The following MYBBP1A variants were observed in gnomAD, a reference collection of about 807,000 sequenced individuals.
MYBBP1A encodes myb-binding protein 1A.
A neutral mutation model predicts 136.3 loss-of-function variants in MYBBP1A; 147 were observed. That is an observed-to-expected ratio of 1.08 (90% CI 0.94 to 1.24). The LOEUF (loss-of-function observed/expected upper bound fraction) is 1.24. Among genes scored for constraint, MYBBP1A ranks in the 50% most tolerant of loss-of-function variants. The pLI is 0.00. For synonymous variants in MYBBP1A, 947 were observed against 735.8 expected (o/e 1.29, Z -4.65); for missense variants, 2,060 against 1,727.4 (o/e 1.19, Z -3.41).
At position 4,542,640 on chromosome 17, in the gene MYBBP1A, G is replaced by A. The variant is rs1421432352; in HGVS notation, c.2994C>T (p.Phe998=). 1.2e-6 allele frequency: 2 copies of A among 1,613,920 alleles called. No individual in the cohort carries two copies. Among genetic ancestry groups the A allele is most frequent in the African/African-American group, 1.3e-5 (1 of 74,928 alleles). ...CCGGGTGCCGGGAGAAGAGGCTGAG[G>A]AACATGGGAACTGTGAGGGGGCTGT... ...KRNSPLTVPM[F]LSLFSRHPVL... The change falls in exon 21 of 26, where the codon TTC becomes TTT. Residue 998 remains phenylalanine (F), a synonymous_variant. Coordinates refer to ENST00000254718, the MANE Select transcript of MYBBP1A (RefSeq NM_014520.4).
rs1345055278 is a variant in MYBBP1A, at chr17:4,539,455, G to GC, written c.3946dup (p.Ala1316GlyfsTer29). 1 of 1,614,032 alleles carries GC rather than the reference G, an allele frequency of 6.2e-7. No individual in the cohort carries two copies. The highest frequency in any genetic ancestry group is 1.1e-5 in the South Asian group (1 of 91,076). On this transcript the variant is annotated frameshift_variant, in exon 26 of 26. Transcript: ENST00000254718. LOFTEE classifies it low-confidence loss of function (END_TRUNC). ...CTTCCTCACCTGTGCTTTCTTCTTGGCCCCACTCTGAAGCAGGCTGGGACT... is the reference window on the plus strand; with the variant it reads ...CTTCCTCACCTGTGCTTTCTTCTTGGCCCCCACTCTGAAGCAGGCTGGGACT...
At position 4,545,634 on chromosome 17, in the gene MYBBP1A, C is replaced by G; in HGVS notation, c.2049G>C (p.Pro683=). The change falls in exon 15 of 26, where the codon CCG becomes CCC. Residue 683 remains proline, a synonymous_variant. Coordinates refer to ENST00000254718, the MANE Select transcript of MYBBP1A (RefSeq NM_014520.4). The part of the protein sequence containing the change: ...VFGHICSHLT[P]RALQLILDVL... ...CATCCAGAATTAGCTGCAGGGCACG[C>G]GGGGTCAGGTGGGAGCAGATGTGGC... 1 of 1,599,808 alleles carries G rather than the reference C, an allele frequency of 6.3e-7. No homozygotes were observed. Among genetic ancestry groups the G allele is most frequent in the Non-Finnish European group, 8.5e-7 (1 of 1,170,120 alleles).
chr17:4,545,515 C>G (rs766901840), intron 15 of MYBBP1A, 95 bp downstream of exon 15: 3 of 1,512,360 alleles, frequency 2.0e-6, no homozygotes, highest in Non-Finnish European at 2.7e-6. Flanking sequence ...CGCAGGCTCC[C>G]GGCAGGGAGG....
intron 24 of MYBBP1A, 56 bp downstream of exon 24, chr17:4,541,405 GGC>G: frequency 6.8e-7 from 1 of 1,465,432 alleles, no homozygotes; most frequent in Non-Finnish European, 9.5e-7. Flanking sequence ...CTGGCCGGGA[GGC>G]CCCAAGGCCC....
intron 15 of MYBBP1A, 114 bp downstream of exon 15, chr17:4,545,496 C>T (rs553892459): frequency 6.7e-7 from 1 of 1,493,682 alleles, no homozygotes; most frequent in African/African-American, 1.4e-5. Context: ...TGAGACCCCT[C>T]CCACCGGCCG....
chr17:4,543,653 A>T (rs906713786), intron 19 of MYBBP1A, among the ~76,000 whole-genome samples: 2 of 152,052 alleles, frequency 1.3e-5, no homozygotes, highest in Admixed American at 1.3e-4. Context: ...GTTTGTGAAG[A>T]ATGCACTGCC....
Position 4,554,098 on chromosome 17 carries a change from A to G in MYBBP1A, c.379-5T>C. Reference sequence around the variant, plus strand: ...GAGAGCAGGTCTCAGCATTGCCTAGAAAAGGATTCCAGGCACAGGCATGAG... The same window carrying G: ...GAGAGCAGGTCTCAGCATTGCCTAGGAAAGGATTCCAGGCACAGGCATGAG... On this transcript the variant is annotated splice_region_variant and splice_polypyrimidine_tract_variant and intron_variant, in intron 3 of 25. Coordinates refer to ENST00000254718, the MANE Select transcript of MYBBP1A (RefSeq NM_014520.4). 1 of 1,613,964 alleles carries G rather than the reference A, an allele frequency of 6.2e-7. No homozygotes were observed. The highest frequency in any genetic ancestry group is 1.7e-5 in the Admixed American group (1 of 60,002).
rs752053834 is a variant in MYBBP1A, at chr17:4,545,088, C to G, written c.2248G>C (p.Gly750Arg). 10 of 1,585,534 alleles carry G rather than the reference C, an allele frequency of 6.3e-6. No homozygotes were observed. In the Admixed American group the frequency reaches 1.1e-4, roughly 17 times the overall value. ...TCCCGGAAGCCCTGATCCACGTCCC[C>G]GTCGCGCTCCTCCTCCTCGCTCTCC... The part of the protein sequence containing the change: ...GEESEEEERD[G>R]DVDQGFREQL... The change falls in exon 17 of 26, where the codon GGG (glycine) becomes CGG (arginine). Residue 750 changes from glycine to arginine, a missense_variant. Transcript: ENST00000254718.
At chr17:4,543,277 G>C (rs148390115) in intron 19 of MYBBP1A, 112 bp from the exon 20 acceptor site, 2 of 1,388,928 alleles carry the variant, frequency 1.4e-6, no homozygotes, top group Admixed American at 2.6e-5. Context: ...CCTAGAAGAC[G>C]ACAGAGGCGA....
Position 4,552,594 on chromosome 17 carries a change from C to CG in MYBBP1A, c.593dup (p.Glu199GlyfsTer15). ...TATTCAAGTCGGCTTTGAGGACCTCCGGCAGGATCTCCTGCAATGTGGCCT... is the reference window on the plus strand; with the variant it reads ...TATTCAAGTCGGCTTTGAGGACCTCCGGGCAGGATCTCCTGCAATGTGGCCT... On this transcript the variant is annotated frameshift_variant, in exon 6 of 26. Transcript: ENST00000254718. LOFTEE classifies it high-confidence loss of function. The surrounding 1 kb of genome is among the most constrained non-coding windows in gnomAD (Gnocchi z 4.7). 2 of 1,613,812 alleles carry CG rather than the reference C, an allele frequency of 1.2e-6. No individual in the cohort carries two copies. Among genetic ancestry groups the CG allele is most frequent in the African/African-American group, 2.7e-5 (2 of 75,024 alleles).
In MYBBP1A at chr17:4,545,295, C is replaced by T. The variant is rs9911631; in HGVS notation, c.2124G>A (p.Thr708=). ...SEDENDRVVV[T]DDSDERRLKG... ...TCAGCCGCCGCTCATCAGAATCGTCCGTCACCACCACACGGTCATTCTCAT... is the reference window on the plus strand; with the variant it reads ...TCAGCCGCCGCTCATCAGAATCGTCTGTCACCACCACACGGTCATTCTCAT... Residue 708 remains threonine, a synonymous_variant, in exon 16 of 26, where the codon ACG becomes ACA. Coordinates refer to ENST00000254718, the MANE Select transcript of MYBBP1A (RefSeq NM_014520.4). 0.013 allele frequency: 21,036 copies of T among 1,612,922 alleles called. 2,102 individuals carry two copies. The African/African-American group carries it at 0.23, about 18-fold the overall frequency.
Position 4,542,471 on chromosome 17 carries a change from C to G in MYBBP1A, c.3080G>C (p.Arg1027Pro), listed in dbSNP as rs542146422. Reference protein sequence around the residue: ...VQHITGPVRPRHQACLLLQKT... With the variant: ...VQHITGPVRPPHQACLLLQKT... ...AGCTGGGAAGTCTCTCACCTGATGA[C>G]GGGGCCGCACCGGGCCCGTGATATG... is the stretch of plus-strand genomic sequence containing the variant. Residue 1027 changes from arginine (R) to proline (P), a missense_variant, in exon 22 of 26, where the codon CGT (arginine) becomes CCT (proline). Arg to Pro is a moderately radical substitution (Grantham distance 103). Coordinates refer to ENST00000254718, the MANE Select transcript of MYBBP1A (RefSeq NM_014520.4). 2.8e-5 allele frequency: 45 copies of G among 1,607,472 alleles called. No homozygotes were observed. The highest frequency in any genetic ancestry group is 4.3e-6 in the Non-Finnish European group (5 of 1,176,052).
rs1567602151 is a variant in MYBBP1A at position 4,540,157 on chromosome 17, G to GGT, written c.3434+190_3435-190insAC. ...CTGGGTCCTGCGAGGGTCCTGCGAG[G>GGT]CTCCTGCGAGGGTCCTGTGAGGGTC... On this transcript the variant is annotated intron_variant, in intron 25 of 25. Coordinates refer to ENST00000254718, the MANE Select transcript of MYBBP1A (RefSeq NM_014520.4). Among the ~76,000 whole-genome samples, 685 of 73,830 alleles carry GGT rather than the reference G, an allele frequency of 9.3e-3. 2 individuals are homozygous for GGT. The highest frequency in any genetic ancestry group is 0.032 in the East Asian group (27 of 856). 48.4% of individuals were successfully genotyped at this position (73,830 alleles called of 152,430 possible). A position where few individuals can be genotyped will look rare whatever the true frequency, so the allele number is the denominator to read the frequency against.
rs774534968 is a variant in MYBBP1A at position 4,555,230 on chromosome 17, C to G, written c.95G>C (p.Ser32Thr). Residue 32 changes from serine to threonine, a missense_variant, in exon 1 of 26, where the codon AGT becomes ACT. Ser to Thr is a moderately conservative substitution (Grantham distance 58, BLOSUM62 1). Transcript: ENST00000254718. ...CCAGAAGAAGTCCAAGAACTCGCGA[C>G]TGTGCTTCAATAGGCCATAGCGGTC... ...PADRYGLLKH[S>T]REFLDFFWDI... The G allele has an allele frequency of 2.5e-6, 4 of 1,612,420 alleles. No homozygotes were observed. The Admixed American group carries it at 6.7e-5, about 27-fold the overall frequency.
Position 4,553,898 on chromosome 17 carries a change from T to C in MYBBP1A, c.473A>G (p.Lys158Arg), listed in dbSNP as rs1399143703. The C allele has an allele frequency of 3.7e-6, 6 of 1,614,034 alleles. No individual in the cohort carries two copies. In the Admixed American group the frequency reaches 6.7e-5, roughly 18 times the overall value. ...CAGGGCCTGCAGCAGCTTCACCGAC[T>C]TCATCAGTGCCTCCTGGTCCTGGTC... ...RLVKDQEALMKSVKLLQALAQ... is the reference protein window; with the variant it reads ...RLVKDQEALMRSVKLLQALAQ... Residue 158 changes from lysine (K) to arginine (R), a missense_variant, in exon 5 of 26, where the codon AAG becomes AGG. Coordinates refer to ENST00000254718, the MANE Select transcript of MYBBP1A (RefSeq NM_014520.4).
Position 4,547,968 on chromosome 17 carries a change from T to G in MYBBP1A, c.1814A>C (p.His605Pro). The G allele has an allele frequency of 6.6e-7, 1 of 1,511,120 alleles. No individual in the cohort carries two copies. Among genetic ancestry groups the G allele is most frequent in the Non-Finnish European group, 8.9e-7 (1 of 1,126,416 alleles). The allele number at this position is 1,511,120 out of a possible 1,614,324, so 93.6% of individuals were successfully genotyped here. ...FQHLLLLVGI[H>P]LLKSPAESCD... The stretch of plus-strand genomic sequence containing the variant: ...CCCAGGCCCCAGTACCTTGAGGAGG[T>G]GGATGCCCACGAGGAGCAGAAGGTG... Residue 605 changes from histidine to proline, a missense_variant, in exon 13 of 26, where the codon CAC (histidine) becomes CCC (proline). Coordinates refer to ENST00000254718, the MANE Select transcript of MYBBP1A (RefSeq NM_014520.4).
intron 9 of MYBBP1A, 103 bp downstream of exon 9, chr17:4,549,955 G>A: frequency 7.5e-7 from 1 of 1,328,942 alleles, no homozygotes; most frequent in Non-Finnish European, 1.0e-6. Flanking sequence ...TCCTCTCATG[G>A]TTTAGAGCCA....
At chr17:4,543,925 G>A (rs1330818628) in intron 19 of MYBBP1A, among the ~76,000 whole-genome samples, 1 of 152,152 alleles carries the variant, frequency 6.6e-6, no homozygotes, top group Non-Finnish European at 1.5e-5. Flanking sequence ...TGCCTCTGTG[G>A]CCTCCAGCAC....
intron 25 of MYBBP1A, among the ~76,000 whole-genome samples, 166 bp from the exon 26 acceptor site, chr17:4,540,133 T>TGGGTCCTGCGA (rs946152356): frequency 6.8e-6 from 1 of 147,410 alleles, no homozygotes; most frequent in African/African-American, 2.6e-5. Context: ...GCGAGGCCCC[T>TGGGTCCTGCGA]GGGTCCTGCG....
Sources: gnomAD v4.1 joint callset for allele counts (sites outside exome capture counted in the v4.1 genomes callset) on GRCh38, gnomAD v4.1.1 for gene constraint, Gnocchi (gnomAD v3.1) non-coding constraint, MANE v1.5 for transcripts, NCBI Gene and HGNC (gene_info 2026-07-23, HGNC 2026-07-21) for gene names.